Variants in TTC28 observed in about 807,000 individuals in gnomAD.
TTC28 encodes the protein tetratricopeptide repeat protein 28.
In TTC28, 61 loss-of-function variants were observed where a neutral mutation model predicts 198.0. The observed-to-expected ratio is 0.31, with a 90% confidence interval of 0.25 to 0.38. TTC28 has a LOEUF of 0.38. Ranked by LOEUF, TTC28 falls within the 10% of genes least tolerant of loss-of-function variation. The pLI is 1.00. For synonymous variants in TTC28, 1,171 were observed against 1,297.8 expected (o/e 0.90, Z 2.10); for missense variants, 2,678 against 3,164.0 (o/e 0.85, Z 3.69).
chr22:28,423,184 G>A (rs1259894942), intron 2 of TTC28, among the ~76,000 whole-genome samples: 1 of 152,146 alleles, frequency 6.6e-6, no homozygotes, highest in Non-Finnish European at 1.5e-5. Flanking sequence ...GAAGTCAGGA[G>A]TTCGAGACCA....
intron 5 of TTC28, among the ~76,000 whole-genome samples, chr22:28,201,751 C>CG (rs1555938146): frequency 1.2e-5 from 1 of 81,010 alleles, no homozygotes; most frequent in Non-Finnish European, 2.4e-5. Flanking sequence ...TTACAGAAAG[C>CG]AAAAAAAAAA....
chr22:28,337,306 T>C (rs974004293), intron 2 of TTC28, among the ~76,000 whole-genome samples: 1 of 152,186 alleles, frequency 6.6e-6, no homozygotes, highest in Non-Finnish European at 1.5e-5. Context: ...CTGAAAAGAA[T>C]GTATATTCTG....
At chr22:28,569,314 AAAACAACATGATATC>A (rs2050026532) in intron 2 of TTC28, among the ~76,000 whole-genome samples, 1 of 152,134 alleles carries the variant, frequency 6.6e-6, no homozygotes, top group Non-Finnish European at 1.5e-5. Context: ...TACAGTAACC[AAAACAACATGATATC>A]AAACAACATG....
chr22:28,377,137 T>C (rs188897137), intron 2 of TTC28, among the ~76,000 whole-genome samples: 10 of 140,726 alleles, frequency 7.1e-5, no homozygotes, highest in African/African-American at 2.7e-4. Flanking sequence ...TAGGACATAA[T>C]AGATTCTAAA....
chr22:28,267,306 G>A (rs1055742847), intron 5 of TTC28, among the ~76,000 whole-genome samples: 8 of 152,168 alleles, frequency 5.3e-5, no homozygotes, highest in African/African-American at 1.9e-4. Flanking sequence ...CCTATTTCCT[G>A]GCAAGGTTTC....
chr22:28,335,238 T>C (rs1161393557), intron 2 of TTC28, among the ~76,000 whole-genome samples: 1 of 152,244 alleles, frequency 6.6e-6, no homozygotes, highest in East Asian at 1.9e-4. Context: ...ACCAGTACCA[T>C]GCTGTTTTGG....
intron 5 of TTC28, among the ~76,000 whole-genome samples, chr22:28,277,455 A>G (rs1187460425): frequency 2.6e-5 from 4 of 152,218 alleles, no homozygotes; most frequent in African/African-American, 9.6e-5. Flanking sequence ...ATTGTTCTAC[A>G]AACTATTTTA....
intron 2 of TTC28, among the ~76,000 whole-genome samples, chr22:28,534,452 T>C (rs1053068686): frequency 2.0e-4 from 31 of 152,226 alleles, no homozygotes; most frequent in African/African-American, 7.5e-4. Flanking sequence ...GGAACACTTT[T>C]ACACTGTTGG....
Position 28,014,325 on chromosome 22 carries a change from G to C in TTC28, c.4141C>G (p.Leu1381Val), listed in dbSNP as rs61739502. Residue 1381 changes from leucine to valine, a missense_variant, in exon 14 of 23, where the codon CTT becomes GTT. Coordinates refer to ENST00000397906, the MANE Select transcript of TTC28 (RefSeq NM_001145418.2). Reference sequence around the variant, plus strand: ...GCAAACGAGCTCTGCCTCCTGGGAAGAGAGGAGGTCCCGTCCTGGGTCGGT... The same window carrying C: ...GCAAACGAGCTCTGCCTCCTGGGAACAGAGGAGGTCCCGTCCTGGGTCGGT... The part of the protein sequence containing the change: ...VSPTQDGTSS[L>V]PRRQSSFAKP... 4,102 of 1,551,654 alleles carry C rather than the reference G, an allele frequency of 2.6e-3. 135 individuals carry two copies. In the African/African-American group the frequency reaches 0.052, roughly 20 times the overall value.
chr22:28,129,736 C>T (rs1943011199), intron 6 of TTC28, among the ~76,000 whole-genome samples: 1 of 152,208 alleles, frequency 6.6e-6, no homozygotes, highest in African/African-American at 2.4e-5. Flanking sequence ...AGGTTGATGT[C>T]ACTTTTTCCT....
chr22:28,109,302 A>G (rs1294460702), intron 6 of TTC28, among the ~76,000 whole-genome samples: 1 of 152,240 alleles, frequency 6.6e-6, no homozygotes, highest in African/African-American at 2.4e-5. Flanking sequence ...ATGCTGAAAA[A>G]TGGGAAACAA....
intron 6 of TTC28, among the ~76,000 whole-genome samples, chr22:28,152,017 A>T (rs1943620392): frequency 6.6e-6 from 1 of 152,194 alleles, no homozygotes; most frequent in African/African-American, 2.4e-5. Flanking sequence ...CGCAGGCTGT[A>T]GCAAAAGACA....
In TTC28 at chr22:28,574,036, A is replaced by G. The variant is rs79555147; in HGVS notation, c.381+55516T>C. On this transcript the variant is annotated intron_variant, in intron 2 of 22. Coordinates refer to ENST00000397906, the MANE Select transcript of TTC28 (RefSeq NM_001145418.2). The stretch of plus-strand genomic sequence containing the variant: ...CAAATGACAAGATCTCTTTTTTAAC[A>G]GAGTCCCACTCTGTCACCCAGGCTG... 8.1e-3 allele frequency among the ~76,000 whole-genome samples: 1,229 copies of G among 152,230 alleles called. 20 individuals are homozygous for G. Among genetic ancestry groups the G allele is most frequent in the African/African-American group, 0.028 (1,170 of 41,538 alleles).
At chr22:28,502,956 G>C (rs766837312) in intron 2 of TTC28, among the ~76,000 whole-genome samples, 11 of 151,992 alleles carry the variant, frequency 7.2e-5, no homozygotes, top group Non-Finnish European at 1.5e-4. Context: ...TTCTAATTTA[G>C]GTTGAATGTT....
chr22:28,209,680 T>C (rs1229207123), intron 5 of TTC28, among the ~76,000 whole-genome samples: 2 of 152,220 alleles, frequency 1.3e-5, no homozygotes, highest in Non-Finnish European at 2.9e-5. Context: ...CAAGGAGGCC[T>C]GCCTGCCTCT....
chr22:28,675,735 T>TCACACACACACACA (rs71316854), intron 1 of TTC28, among the ~76,000 whole-genome samples: 7 of 135,118 alleles, frequency 5.2e-5, no homozygotes, highest in African/African-American at 1.7e-4. Context: ...TGAAACCCTG[T>TCACACACACACACA]CACACACACA....
chr22:28,673,665 T>G (rs2051927065), intron 1 of TTC28, among the ~76,000 whole-genome samples: 1 of 152,244 alleles, frequency 6.6e-6, no homozygotes, highest in Admixed American at 6.5e-5. Flanking sequence ...CAAATTAGCA[T>G]TGATACTTAT....
At chr22:28,039,037 T>G (rs1208084149) in intron 12 of TTC28, among the ~76,000 whole-genome samples, 1 of 152,148 alleles carries the variant, frequency 6.6e-6, no homozygotes, top group Non-Finnish European at 1.5e-5. Flanking sequence ...CTGGACAGGA[T>G]GTGGAGATAT....
intron 1 of TTC28, among the ~76,000 whole-genome samples, chr22:28,636,451 AT>A (rs944388404): frequency 1.3e-5 from 2 of 151,804 alleles, no homozygotes; most frequent in African/African-American, 2.4e-5. Context: ...GCACATGTGC[AT>A]TTTTTTTATT....
Sources: allele counts gnomAD v4.1 joint callset (sites outside exome capture counted in the v4.1 genomes callset), GRCh38; gene constraint gnomAD v4.1.1; transcripts MANE v1.5; gene names NCBI Gene and HGNC (gene_info 2026-07-23, HGNC 2026-07-21).